The following CTNNA3 variants were observed in gnomAD, a reference collection of about 807,000 sequenced individuals.
CTNNA3 encodes the protein catenin alpha-3.
In CTNNA3, 76 loss-of-function variants were observed where a neutral mutation model predicts 95.7. The ratio of observed to expected loss-of-function variants is 0.79; its 90% confidence interval spans 0.66 to 0.96. CTNNA3 has a LOEUF of 0.96. Among genes scored for constraint, CTNNA3 ranks in the 40% least tolerant of loss-of-function variants. CTNNA3 has a pLI of 0.00. For synonymous variants in CTNNA3, 431 were observed against 374.4 expected, an observed-to-expected ratio of 1.15 and a Z score of -1.74; for missense variants, 1,191 against 1,089.8, an observed-to-expected ratio of 1.09 and a Z score of -1.31.
chr10:67,740,726 T>C (rs1841332123), intron 1 of CTNNA3, among the ~76,000 whole-genome samples: 1 of 151,324 alleles, frequency 6.6e-6, no homozygotes, highest in South Asian at 2.1e-4. Context: ...GTAAACTAGT[T>C]CAACCATTGT....
At chr10:66,288,609 AC>A (rs2091629385) in intron 12 of CTNNA3, among the ~76,000 whole-genome samples, 1 of 151,986 alleles carries the variant, frequency 6.6e-6, no homozygotes, top group Admixed American at 6.6e-5. Context: ...TTCCTTAGTC[AC>A]TCTAGCCCAC....
At chr10:67,005,481 A>G (rs185410684) in intron 7 of CTNNA3, among the ~76,000 whole-genome samples, 201 of 152,032 alleles carry the variant, frequency 1.3e-3, no homozygotes, top group African/African-American at 4.2e-3. Flanking sequence ...CACATAGGCC[A>G]TAGGTTTTAT....
chr10:66,319,971 T>C (rs1177219552), intron 12 of CTNNA3, among the ~76,000 whole-genome samples: 2 of 152,056 alleles, frequency 1.3e-5, no homozygotes, highest in African/African-American at 4.8e-5. Context: ...AGGATTCAAG[T>C]TGATTCACAG....
At chr10:66,278,034 T>G (rs1333361010) in intron 13 of CTNNA3, among the ~76,000 whole-genome samples, 1 of 151,390 alleles carries the variant, frequency 6.6e-6, no homozygotes, top group East Asian at 1.9e-4. Context: ...CTACATTTCA[T>G]GTTTCTGATT....
intron 10 of CTNNA3, among the ~76,000 whole-genome samples, chr10:66,525,524 T>C (rs1841223715): frequency 6.6e-6 from 1 of 152,140 alleles, no homozygotes; most frequent in African/African-American, 2.4e-5. Context: ...AACAATATTA[T>C]ACTAATTTAT....
At chr10:65,962,321 C>T (rs2133243744) in intron 17 of CTNNA3, among the ~76,000 whole-genome samples, 1 of 152,228 alleles carries the variant, frequency 6.6e-6, no homozygotes, top group South Asian at 2.1e-4. Flanking sequence ...CTCACCGTAA[C>T]ATGGTCTTCC....
At chr10:66,789,303 T>TAC (rs1248983328) in intron 7 of CTNNA3, among the ~76,000 whole-genome samples, 2 of 151,968 alleles carry the variant, frequency 1.3e-5, no homozygotes, top group Non-Finnish European at 2.9e-5. Flanking sequence ...GCCTCCCGAG[T>TAC]AGCTGGGATT....
intron 15 of CTNNA3, among the ~76,000 whole-genome samples, chr10:66,023,736 G>A (rs1280975484): frequency 6.6e-6 from 1 of 152,156 alleles, no homozygotes; most frequent in African/African-American, 2.4e-5. Flanking sequence ...CCCATAAAAT[G>A]AGAAGATGGT....
At chr10:67,516,919 G>A (rs990449088) in intron 5 of CTNNA3, among the ~76,000 whole-genome samples, 1 of 152,116 alleles carries the variant, frequency 6.6e-6, no homozygotes, top group Non-Finnish European at 1.5e-5. Context: ...CCATACTATT[G>A]CAAAGGCAGG....
chr10:66,475,464 T>C (rs1376536909), intron 11 of CTNNA3, among the ~76,000 whole-genome samples: 2 of 152,078 alleles, frequency 1.3e-5, no homozygotes, highest in Admixed American at 1.3e-4. Context: ...GTAGGTTGTC[T>C]GTTGCTCTGA....
chr10:67,248,184 T>C (rs1430131497), intron 5 of CTNNA3, among the ~76,000 whole-genome samples: 2 of 151,972 alleles, frequency 1.3e-5, no homozygotes, highest in Non-Finnish European at 1.5e-5. Flanking sequence ...TAGCTGGGTG[T>C]GGTGGCACGT....
chr10:66,634,563 T>C (rs1008085198), intron 9 of CTNNA3, among the ~76,000 whole-genome samples: 3 of 135,624 alleles, frequency 2.2e-5, no homozygotes, highest in African/African-American at 9.4e-5. Context: ...GGAAAGGTAC[T>C]CTGTGCATGG....
chr10:67,020,487 T>C (rs1174835398), intron 7 of CTNNA3, among the ~76,000 whole-genome samples: 3 of 152,116 alleles, frequency 2.0e-5, no homozygotes, highest in Non-Finnish European at 4.4e-5. Flanking sequence ...ACTTACAGAG[T>C]CTAACAATTT....
intron 11 of CTNNA3, among the ~76,000 whole-genome samples, chr10:66,435,539 T>C (rs2093330897): frequency 6.6e-6 from 1 of 152,180 alleles, no homozygotes; most frequent in African/African-American, 2.4e-5. Context: ...CTTTATCATT[T>C]TTTATTGTGT....
intron 11 of CTNNA3, among the ~76,000 whole-genome samples, chr10:66,395,962 T>C (rs752851545): frequency 3.3e-5 from 5 of 151,890 alleles, no homozygotes; most frequent in Non-Finnish European, 5.9e-5. Context: ...GGAGTTTGCG[T>C]TGTGTGTTAT....
At chr10:67,189,315 C>G (rs1000018889) in intron 6 of CTNNA3, among the ~76,000 whole-genome samples, 1 of 151,906 alleles carries the variant, frequency 6.6e-6, no homozygotes, top group African/African-American at 2.4e-5. Context: ...TTACCAGGGG[C>G]TAGGGGGCAG....
intron 5 of CTNNA3, among the ~76,000 whole-genome samples, chr10:67,403,613 G>A (rs1845011257): frequency 6.6e-6 from 1 of 152,160 alleles, no homozygotes; most frequent in Admixed American, 6.5e-5. Flanking sequence ...TGTGCTGTTT[G>A]GGCATCTCAC....
chr10:67,207,531 T>G (rs1863956529), intron 6 of CTNNA3, among the ~76,000 whole-genome samples: 1 of 152,158 alleles, frequency 6.6e-6, no homozygotes, highest in Non-Finnish European at 1.5e-5. Flanking sequence ...GTGGGAATTG[T>G]AACAGAACTC....
intron 7 of CTNNA3, among the ~76,000 whole-genome samples, chr10:66,792,115 AT>A (rs1797311601): frequency 6.6e-6 from 1 of 152,222 alleles, no homozygotes; most frequent in African/African-American, 2.4e-5. Context: ...GATTTAAAAT[AT>A]CTTACTCTCT....
Sources: allele counts gnomAD v4.1 joint callset (sites outside exome capture counted in the v4.1 genomes callset), GRCh38; gene constraint gnomAD v4.1.1; transcripts MANE v1.5; gene names NCBI Gene and HGNC (gene_info 2026-07-23, HGNC 2026-07-21).